Variants in TRAK2 observed in about 807,000 individuals in gnomAD.
The protein encoded by TRAK2 is trafficking kinesin protein 2, also known as trafficking kinesin-binding protein 2.
Under a neutral mutation model 104.6 loss-of-function variants are expected in TRAK2, and 81 were observed. The ratio of observed to expected loss-of-function variants is 0.77; its 90% CI spans 0.65 to 0.93. The LOEUF (loss-of-function observed/expected upper bound fraction) is 0.93. Ranked by LOEUF, TRAK2 falls within the 40% of genes least tolerant of loss-of-function variation. The probability of loss-of-function intolerance (pLI) is 0.00; values close to 1 mark genes in which losing one functional copy is unlikely to be tolerated. For missense variants in TRAK2, 1,002 were observed against 1,089.0 expected, an observed-to-expected ratio of 0.92 and a Z score of 1.12; for synonymous variants, 406 against 394.4, an observed-to-expected ratio of 1.03 and a Z score of -0.35.
chr2:201,449,071 A>G (rs1439633034), intron 1 of TRAK2, among the ~76,000 whole-genome samples: 5 of 152,330 alleles, frequency 3.3e-5, no homozygotes, highest in Non-Finnish European at 1.5e-5. Flanking sequence ...AATTTCTTAC[A>G]TAAGTGAGAT....
intron 1 of TRAK2, among the ~76,000 whole-genome samples, chr2:201,436,586 T>C (rs1951881193): frequency 6.6e-6 from 1 of 152,166 alleles, no homozygotes; most frequent in Non-Finnish European, 1.5e-5. Flanking sequence ...GTAAGGAAAA[T>C]ACAAATTTTA....
At chr2:201,410,125 G>A (rs1951631785) in intron 2 of TRAK2, among the ~76,000 whole-genome samples, 1 of 152,152 alleles carries the variant, frequency 6.6e-6, no homozygotes, top group Admixed American at 6.5e-5. Context: ...GTGAAACCCT[G>A]TCTCTACGAG....
intron 1 of TRAK2, among the ~76,000 whole-genome samples, chr2:201,431,364 TG>T (rs989638194): frequency 1.5e-4 from 23 of 152,318 alleles, no homozygotes; most frequent in African/African-American, 4.8e-4. Flanking sequence ...AAAGTGTCAA[TG>T]GACCAAAAGC....
intron 11 of TRAK2, 143 bp from the exon 12 acceptor site, chr2:201,389,646 A>G: frequency 1.8e-6 from 2 of 1,094,366 alleles, no homozygotes; most frequent in Non-Finnish European, 2.7e-6. Flanking sequence ...CTTTCAAACA[A>G]GAGAACTCTC....
chr2:201,397,391 A>T, intron 7 of TRAK2, 111 bp downstream of exon 7: 1 of 660,452 alleles, frequency 1.5e-6, no homozygotes, highest in Non-Finnish European at 2.6e-6. Flanking sequence ...AACCATTTAA[A>T]ATTGTTTCTT....
chr2:201,381,119 C>T lies in TRAK2; in HGVS notation c.2169G>A (p.Glu723=), dbSNP rs775225451. The change falls in exon 16 of 16, where the codon GAG becomes GAA. Residue 723 remains glutamate (E), a synonymous_variant. Transcript: ENST00000332624. ...TGGAATCTCGTCGGTTGGTGATGGA[C>T]TCACCAATGCTGAGTCTATAGGACA... ...PALSYRLSIG[E]SITNRRDSTT... 5.6e-6 allele frequency: 9 copies of T among 1,613,700 alleles called. No individual in the cohort carries two copies. In the Admixed American group the frequency reaches 1.0e-4, roughly 18 times the overall value.
Position 201,443,952 on chromosome 2 carries a change from G to A in TRAK2, c.-200+7398C>T, listed in dbSNP as rs557808798. Among the ~76,000 whole-genome samples the A allele has an allele frequency of 4.6e-5, 7 of 152,258 alleles. No homozygotes were observed. The East Asian group carries it at 1.2e-3, about 25-fold the overall frequency. ...GCAGTGGCTCACGCCTGTAATCCCA[G>A]CACTTTGGGAGGCCAAGGTGGGCAG... On this transcript the variant is annotated intron_variant, in intron 1 of 15. Transcript: ENST00000332624.
intron 10 of TRAK2, among the ~76,000 whole-genome samples, chr2:201,392,648 A>G (rs1951458307): frequency 6.6e-6 from 1 of 152,206 alleles, no homozygotes; most frequent in South Asian, 2.1e-4. Context: ...TATGGTACAC[A>G]GTCCTAAACT....
At chr2:201,448,749 T>A (rs1229733946) in intron 1 of TRAK2, among the ~76,000 whole-genome samples, 1 of 152,106 alleles carries the variant, frequency 6.6e-6, no homozygotes, top group Non-Finnish European at 1.5e-5. Context: ...CGTATTTTAA[T>A]TTTTTTTAGA....
chr2:201,397,370 A>C (rs1951511419), intron 7 of TRAK2, 132 bp downstream of exon 7: 1 of 584,046 alleles, frequency 1.7e-6, no homozygotes, highest in African/African-American at 1.9e-5. Context: ...TGATATTCTA[A>C]GATTTTCAGT....
intron 1 of TRAK2, among the ~76,000 whole-genome samples, chr2:201,435,642 C>T (rs1359771390): frequency 3.3e-5 from 5 of 152,086 alleles, no homozygotes; most frequent in African/African-American, 1.2e-4. Context: ...CAAATCATAC[C>T]TAACAAAGTA....
In TRAK2 at chr2:201,395,373, G is replaced by C. The variant is rs762831635; in HGVS notation, c.841C>G (p.Gln281Glu). The change falls in exon 8 of 16, where the codon CAA becomes GAA. Residue 281 changes from glutamine (Q) to glutamate (E), a missense_variant. Transcript: ENST00000332624. ...GACAAAAGAGAGGAAAGCTCTTCTT[G>C]GTATCGAATCAGCTCATCACTCTTC... ...SGKSDELIRY[Q>E]EELSSLLSQI... 2 of 1,603,652 alleles carry C rather than the reference G, an allele frequency of 1.2e-6. No individual in the cohort carries two copies. The highest frequency in any genetic ancestry group is 1.7e-6 in the Non-Finnish European group (2 of 1,172,516).
chr2:201,384,272 A>G, intron 14 of TRAK2, 56 bp from the exon 15 acceptor site: 1 of 1,252,780 alleles, frequency 8.0e-7, no homozygotes, highest in Non-Finnish European at 1.2e-6. Context: ...TTAATAATGT[A>G]AAAAGCTCAT....
Position 201,386,194 on chromosome 2 carries a change from T to C in TRAK2, c.1963+24A>G, listed in dbSNP as rs200228660. ...CAAAGTACTTCTGGTTATTATACCA[T>C]ATTCAACCAGACACTCTTCTCACCT... On this transcript the variant is annotated intron_variant, in intron 14 of 15. Coordinates refer to ENST00000332624, the MANE Select transcript of TRAK2 (RefSeq NM_015049.3). 5.0e-6 allele frequency: 8 copies of C among 1,613,004 alleles called. No homozygotes were observed. The Admixed American group carries it at 1.2e-4, about 24-fold the overall frequency.
intron 3 of TRAK2, among the ~76,000 whole-genome samples, chr2:201,402,345 T>C (rs896896102): frequency 6.6e-6 from 1 of 152,084 alleles, no homozygotes; most frequent in Non-Finnish European, 1.5e-5. Flanking sequence ...ATTTTCTCCC[T>C]GGCACCACTG....
intron 2 of TRAK2, chr2:201,413,364 G>A: frequency 1.3e-6 from 1 of 753,902 alleles, no homozygotes; most frequent in South Asian, 2.1e-5. Flanking sequence ...AGGAGGGGCA[G>A]AACTGGGCCT....
intron 7 of TRAK2, 108 bp from the exon 8 acceptor site, chr2:201,395,552 TG>T: frequency 8.9e-7 from 1 of 1,123,222 alleles, no homozygotes; most frequent in Non-Finnish European, 1.2e-6. Flanking sequence ...TGGACTGTCG[TG>T]AATAGATTTT....
At chr2:201,396,673 A>G (rs1007713295) in intron 7 of TRAK2, among the ~76,000 whole-genome samples, 1 of 152,172 alleles carries the variant, frequency 6.6e-6, no homozygotes, top group Non-Finnish European at 1.5e-5. Flanking sequence ...TTACCTGAAC[A>G]CAAGTACTGC....
At chr2:201,386,820 CA>C (rs1319716760) in intron 13 of TRAK2, among the ~76,000 whole-genome samples, 1 of 151,954 alleles carries the variant, frequency 6.6e-6, no homozygotes. Context: ...TCCCAGGTGA[CA>C]AAAAAGTCAA....
Sources: allele counts gnomAD v4.1 joint callset (sites outside exome capture counted in the v4.1 genomes callset), GRCh38; gene constraint gnomAD v4.1.1; transcripts MANE v1.5; gene names NCBI Gene and HGNC (gene_info 2026-07-23, HGNC 2026-07-21).